Variants in TOX observed in about 807,000 individuals in gnomAD.
TOX encodes the protein thymocyte selection associated high mobility group box.
A neutral mutation model predicts 53.7 loss-of-function variants in TOX; 11 were observed. That is an observed-to-expected ratio of 0.20 (90% CI 0.13 to 0.34). The LOEUF is 0.34. Among genes scored for constraint, TOX ranks in the 10% least tolerant of loss-of-function variants. The pLI is 1.00. For synonymous variants in TOX, 225 were observed against 245.3 expected, an observed-to-expected ratio of 0.92 and a Z score of 0.77; for missense variants, 570 against 664.6, an observed-to-expected ratio of 0.86 and a Z score of 1.56.
intron 3 of TOX, among the ~76,000 whole-genome samples, chr8:58,856,731 G>C (rs1386602179): frequency 6.6e-6 from 1 of 151,694 alleles, no homozygotes. Flanking sequence ...CATGAAGGGA[G>C]GGGCTCACCT....
At chr8:59,078,174 A>G (rs905334669) in intron 1 of TOX, among the ~76,000 whole-genome samples, 1 of 152,210 alleles carries the variant, frequency 6.6e-6, no homozygotes, top group African/African-American at 2.4e-5. Flanking sequence ...AAACTTTATA[A>G]CACAGCAGAG....
chr8:59,080,188 G>A (rs1804377670), intron 1 of TOX, among the ~76,000 whole-genome samples: 1 of 151,902 alleles, frequency 6.6e-6, no homozygotes, highest in African/African-American at 2.4e-5. Flanking sequence ...TCACCATGTT[G>A]GTCAGGCTGG....
chr8:58,892,993 T>G (rs1811582812), intron 3 of TOX, among the ~76,000 whole-genome samples: 1 of 152,222 alleles, frequency 6.6e-6, no homozygotes, highest in African/African-American at 2.4e-5. Context: ...AGCAGATGAA[T>G]TTGTTGGTCC....
chr8:58,824,074 T>G (rs1469936627), intron 6 of TOX, among the ~76,000 whole-genome samples: 2 of 149,508 alleles, frequency 1.3e-5, no homozygotes, highest in Non-Finnish European at 3.0e-5. Context: ...TGCTGTGCCA[T>G]GACTCTGAGG....
At chr8:59,063,411 G>C (rs1804025606) in intron 1 of TOX, among the ~76,000 whole-genome samples, 1 of 149,286 alleles carries the variant, frequency 6.7e-6, no homozygotes, top group African/African-American at 2.5e-5. Context: ...GGGATTACTT[G>C]ACTAAGGATA....
At chr8:58,858,778 G>A (rs116270328) in intron 3 of TOX, among the ~76,000 whole-genome samples, 36 of 152,282 alleles carry the variant, frequency 2.4e-4, no homozygotes, top group African/African-American at 7.7e-4. Flanking sequence ...AACACACACC[G>A]TTCATAGCAC....
At chr8:59,013,319 T>C (rs1813945784) in intron 1 of TOX, among the ~76,000 whole-genome samples, 1 of 152,146 alleles carries the variant, frequency 6.6e-6, no homozygotes, top group East Asian at 1.9e-4. Flanking sequence ...ATTCTAGCTA[T>C]AAAAACATAA....
chr8:58,926,362 G>A (rs548401454), intron 3 of TOX, among the ~76,000 whole-genome samples: 2 of 152,266 alleles, frequency 1.3e-5, no homozygotes, highest in African/African-American at 4.8e-5. Context: ...TGAGTATGCT[G>A]CTCCCTTGGG....
intron 1 of TOX, among the ~76,000 whole-genome samples, chr8:58,987,485 G>A (rs192163465): frequency 5.1e-4 from 78 of 152,204 alleles, no homozygotes; most frequent in Non-Finnish European, 1.0e-3. Flanking sequence ...GATGGCACAA[G>A]TACCAACTTT....
chr8:58,966,147 A>C (rs1356471354), intron 1 of TOX, among the ~76,000 whole-genome samples: 1 of 152,068 alleles, frequency 6.6e-6, no homozygotes, highest in African/African-American at 2.4e-5. Flanking sequence ...GCACTGGAGA[A>C]GGAAGAGGTG....
At chr8:58,836,467 T>C (rs755090704) in intron 5 of TOX, among the ~76,000 whole-genome samples, 1 of 152,188 alleles carries the variant, frequency 6.6e-6, no homozygotes, top group Non-Finnish European at 1.5e-5. Context: ...TTTAATTGAG[T>C]GTACAGAGAA....
Position 58,964,890 on chromosome 8 carries a change from T to TGC in TOX, c.103-4884_103-4883dup, listed in dbSNP as rs1224282773. ...GTGTGTGTGTGTGTGTGTGTGTGTG[T>TGC]GCACCCTACAGACCTGAAGGCACAG... On this transcript the variant is annotated intron_variant, in intron 1 of 8. Transcript: ENST00000361421. 2.2e-4 allele frequency among the ~76,000 whole-genome samples: 34 copies of TGC among 151,568 alleles called. 1 individual carries two copies. Among genetic ancestry groups the TGC allele is most frequent in the African/African-American group, 7.8e-4 (32 of 41,230 alleles).
intron 1 of TOX, among the ~76,000 whole-genome samples, chr8:58,985,092 A>C (rs1352262778): frequency 6.7e-6 from 1 of 149,322 alleles, no homozygotes; most frequent in African/African-American, 2.4e-5. Flanking sequence ...TGTTATAACT[A>C]TCTATATAAT....
intron 1 of TOX, among the ~76,000 whole-genome samples, chr8:59,062,198 G>T (rs1002487111): frequency 1.2e-4 from 19 of 152,188 alleles, no homozygotes; most frequent in African/African-American, 4.6e-4. Context: ...GAAGTTGAGG[G>T]TGGAGAAGGG....
chr8:59,077,912 T>C (rs574812587), intron 1 of TOX, among the ~76,000 whole-genome samples: 1 of 152,278 alleles, frequency 6.6e-6, no homozygotes, highest in South Asian at 2.1e-4. Context: ...ATGTGAAATG[T>C]AGTAAGTGGC....
chr8:58,808,643 C>G (rs954010344), intron 7 of TOX, among the ~76,000 whole-genome samples: 2 of 152,322 alleles, frequency 1.3e-5, no homozygotes. Flanking sequence ...AATAGTTAAT[C>G]CCCAGAATAT....
At chr8:59,058,622 G>A (rs949837307) in intron 1 of TOX, among the ~76,000 whole-genome samples, 1 of 152,244 alleles carries the variant, frequency 6.6e-6, no homozygotes, top group South Asian at 2.1e-4. Flanking sequence ...TCCTAAGTGC[G>A]AGCCCTGTGA....
chr8:59,080,408 C>T (rs1442416977), intron 1 of TOX, among the ~76,000 whole-genome samples: 2 of 151,926 alleles, frequency 1.3e-5, no homozygotes, highest in Non-Finnish European at 2.9e-5. Flanking sequence ...AAAGGTACTC[C>T]CCTTGTCTCG....
chr8:59,060,669 A>G (rs1803968437), intron 1 of TOX, among the ~76,000 whole-genome samples: 1 of 152,230 alleles, frequency 6.6e-6, no homozygotes, highest in Admixed American at 6.5e-5. Context: ...ATATGTAATA[A>G]TAACATAAAA....
Sources: gnomAD v4.1 joint callset for allele counts (sites outside exome capture counted in the v4.1 genomes callset) on GRCh38, gnomAD v4.1.1 for gene constraint, MANE v1.5 for transcripts, NCBI Gene and HGNC (gene_info 2026-07-23, HGNC 2026-07-21) for gene names.